NCOR2: variants seen among roughly 807,000 people sequenced by gnomAD.
NCOR2 encodes nuclear receptor corepressor 2.
NCOR2 carries 81 observed loss-of-function variants against 262.9 expected under a neutral mutation model. The observed-to-expected ratio is 0.31, with a 90% CI of 0.26 to 0.37. The LOEUF is 0.37. NCOR2 is among the 10% of genes least tolerant of loss of function. The probability of loss-of-function intolerance (pLI) is 1.00; values close to 1 mark genes in which losing one functional copy is unlikely to be tolerated. For missense variants in NCOR2, 3,385 were observed against 3,621.4 expected (o/e 0.93, Z 1.68); for synonymous variants, 1,659 against 1,559.3 (o/e 1.06, Z -1.51).
chr12:124,387,332 C>G (rs932270688), intron 16 of NCOR2, among the ~76,000 whole-genome samples: 2 of 151,740 alleles, frequency 1.3e-5, no homozygotes, highest in Non-Finnish European at 2.9e-5. Flanking sequence ...CACATCAGCC[C>G]GTGGCACGGC....
At chr12:124,392,204 G>A (rs1176652073) in intron 16 of NCOR2, among the ~76,000 whole-genome samples, 2 of 152,206 alleles carry the variant, frequency 1.3e-5, no homozygotes, top group African/African-American at 2.4e-5. Flanking sequence ...GAGGGAAGGG[G>A]GGCTTGTTGA....
intron 18 of NCOR2, among the ~76,000 whole-genome samples, chr12:124,377,528 A>C (rs985651403): frequency 6.6e-6 from 1 of 152,192 alleles, no homozygotes; most frequent in African/African-American, 2.4e-5. Flanking sequence ...TTACCTTGTA[A>C]AAGAGTTCTG....
At chr12:124,397,276 C>T (rs1407152569) in intron 16 of NCOR2, among the ~76,000 whole-genome samples, 2 of 152,244 alleles carry the variant, frequency 1.3e-5, no homozygotes, top group East Asian at 3.9e-4. Context: ...CCCACTCAGC[C>T]CACCATGGGC....
At chr12:124,438,529 A>G (rs113359256) in intron 7 of NCOR2, among the ~76,000 whole-genome samples, 41 of 151,114 alleles carry the variant, frequency 2.7e-4, no homozygotes, top group African/African-American at 9.7e-4. Flanking sequence ...TGGTGGGGCC[A>G]CCAGGCATGG....
intron 17 of NCOR2, among the ~76,000 whole-genome samples, chr12:124,380,552 C>T (rs764847752): frequency 1.7e-4 from 26 of 152,226 alleles, no homozygotes; most frequent in Non-Finnish European, 2.9e-4. Flanking sequence ...GAGCCTGTGG[C>T]GGCCTGAGAA....
At chr12:124,424,482 C>T (rs1448998977) in intron 11 of NCOR2, among the ~76,000 whole-genome samples, 2 of 152,176 alleles carry the variant, frequency 1.3e-5, no homozygotes, top group Non-Finnish European at 2.9e-5. Context: ...ACCACTCACT[C>T]GGTGCTGTGG....
At chr12:124,394,313 G>T (rs1253493571) in intron 16 of NCOR2, among the ~76,000 whole-genome samples, 1 of 152,212 alleles carries the variant, frequency 6.6e-6, no homozygotes, top group African/African-American at 2.4e-5. Flanking sequence ...CCAGGCCAAG[G>T]TCAGGGGGCT....
At chr12:124,438,455 T>G (rs975911211) in intron 7 of NCOR2, among the ~76,000 whole-genome samples, 2 of 151,846 alleles carry the variant, frequency 1.3e-5, no homozygotes, top group African/African-American at 4.8e-5. Flanking sequence ...CCAGGTGCTG[T>G]GCATGGACCT....
chr12:124,479,974 T>C (rs977370977), intron 3 of NCOR2, among the ~76,000 whole-genome samples: 4 of 152,244 alleles, frequency 2.6e-5, no homozygotes, highest in African/African-American at 7.2e-5. Flanking sequence ...TGGGCATGAC[T>C]TGGCACGTGG....
At chr12:124,343,469 T>C (rs549366203) in intron 32 of NCOR2, among the ~76,000 whole-genome samples, 2 of 152,232 alleles carry the variant, frequency 1.3e-5, no homozygotes, top group African/African-American at 2.4e-5. Flanking sequence ...CAGCCTCTAC[T>C]ACGTGGCAAG....
At chr12:124,360,808 G>C (rs2135957548) in intron 22 of NCOR2, among the ~76,000 whole-genome samples, 1 of 69,766 alleles carries the variant, frequency 1.4e-5, no homozygotes, top group East Asian at 8.4e-4. Flanking sequence ...ACTCCACAGG[G>C]TCCTTCCCGG....
intron 10 of NCOR2, among the ~76,000 whole-genome samples, chr12:124,428,118 C>A (rs867476125): frequency 8.6e-6 from 1 of 116,162 alleles, no homozygotes; most frequent in Non-Finnish European, 1.9e-5. Flanking sequence ...GGTGCCACAC[C>A]CTTGGCCATC....
At chr12:124,545,493 A>G (rs1272938451) in intron 1 of NCOR2, among the ~76,000 whole-genome samples, 6 of 151,790 alleles carry the variant, frequency 4.0e-5, no homozygotes, top group African/African-American at 1.5e-4. Context: ...ATCCCTCCAC[A>G]CCAACCCACC....
At chr12:124,437,125 G>T (rs1437620904) in intron 8 of NCOR2, among the ~76,000 whole-genome samples, 1 of 151,368 alleles carries the variant, frequency 6.6e-6, no homozygotes, top group African/African-American at 2.4e-5. Flanking sequence ...AAAATGAAAT[G>T]AAATGTAATG....
chr12:124,420,853 C>A (rs1381854253), intron 12 of NCOR2, among the ~76,000 whole-genome samples: 1 of 152,242 alleles, frequency 6.6e-6, no homozygotes. Flanking sequence ...TCTGTGAGGC[C>A]TCTGAGCTGG....
At chr12:124,492,486 G>A (rs1295439156) in intron 1 of NCOR2, among the ~76,000 whole-genome samples, 4 of 152,186 alleles carry the variant, frequency 2.6e-5, no homozygotes, top group Non-Finnish European at 5.9e-5. Context: ...AGCTGTCCCA[G>A]GAGGTAGGCC....
chr12:124,376,992 T>A (rs367813202), intron 18 of NCOR2, among the ~76,000 whole-genome samples: 41 of 152,278 alleles, frequency 2.7e-4, no homozygotes, highest in Middle Eastern at 6.8e-3. Context: ...GGGGGAGCAG[T>A]CTAGACCCCC....
rs112793350 is a variant in NCOR2, at chr12:124,409,616, C to G, written c.1483-7055G>C. 1.4e-4 allele frequency among the ~76,000 whole-genome samples: 21 copies of G among 151,894 alleles called. 2 individuals carry two copies. The highest frequency in any genetic ancestry group is 3.1e-4 in the African/African-American group (13 of 41,422). On this transcript the variant is annotated intron_variant, in intron 13 of 46. Coordinates refer to ENST00000405201, the Ensembl canonical transcript of NCOR2. ...GTCAGCTCCAGGGACCTTGTTTGCC[C>G]TTTTTTTTGGAGGCTTGCACATGGT...
At chr12:124,444,478 G>C (rs1030822837) in intron 7 of NCOR2, among the ~76,000 whole-genome samples, 1 of 152,196 alleles carries the variant, frequency 6.6e-6, no homozygotes, top group Non-Finnish European at 1.5e-5. Flanking sequence ...GGGTTTATGG[G>C]GTACTGGAAA....
Sources: allele counts gnomAD v4.1 joint callset (sites outside exome capture counted in the v4.1 genomes callset), GRCh38; gene constraint gnomAD v4.1.1; transcripts MANE v1.5; gene names NCBI Gene and HGNC (gene_info 2026-07-23, HGNC 2026-07-21).